The following SLC22A15 variants were observed in gnomAD, a reference collection of about 807,000 sequenced individuals.
The protein encoded by SLC22A15 is solute carrier family 22 member 15.
A neutral mutation model predicts 62.7 loss-of-function variants in SLC22A15; 45 were observed. That is an observed-to-expected ratio of 0.72 (90% CI 0.56 to 0.92). The LOEUF is 0.92. SLC22A15 is among the 40% of genes least tolerant of loss of function. SLC22A15 has a pLI of 0.00. For synonymous variants in SLC22A15, 264 were observed against 267.0 expected (o/e 0.99, Z 0.11); for missense variants, 622 against 665.6 (o/e 0.93, Z 0.72).
chr1:115,983,628 A>G (rs1288261262), intron 1 of SLC22A15, among the ~76,000 whole-genome samples: 1 of 152,202 alleles, frequency 6.6e-6, no homozygotes. Flanking sequence ...AAGGGAAGAT[A>G]TGATCTGGAG....
At chr1:115,986,651 G>C (rs940806852) in intron 1 of SLC22A15, among the ~76,000 whole-genome samples, 1 of 152,216 alleles carries the variant, frequency 6.6e-6, no homozygotes, top group African/African-American at 2.4e-5. Flanking sequence ...TTGCTACACA[G>C]AGTATGGTTG....
At chr1:116,011,972 A>G (rs1056136740) in intron 2 of SLC22A15, among the ~76,000 whole-genome samples, 2 of 152,218 alleles carry the variant, frequency 1.3e-5, no homozygotes, top group African/African-American at 4.8e-5. Flanking sequence ...ATGCAGAGTC[A>G]GTCACCTGCC....
intron 9 of SLC22A15, 134 bp from the exon 10 acceptor site, chr1:116,064,302 T>C: frequency 1.5e-6 from 1 of 659,984 alleles, no homozygotes; most frequent in Non-Finnish European, 2.7e-6. Context: ...AGTAGGCAGC[T>C]CTAGAACCCA....
intron 1 of SLC22A15, among the ~76,000 whole-genome samples, chr1:115,986,488 G>A (rs901796402): frequency 2.0e-5 from 3 of 152,092 alleles, no homozygotes; most frequent in African/African-American, 4.8e-5. Flanking sequence ...GAAGGGAGAC[G>A]GTGTGGTCTA....
rs539939677 is a variant in SLC22A15 at position 116,052,768 on chromosome 1, G to C, written c.1172-9994G>C. On this transcript the variant is annotated intron_variant, in intron 8 of 11. Transcript: ENST00000369503. Reference sequence around the variant, plus strand: ...GTTCACGAAAATCTACTGTTCTGCAGACACCACTGCTGATACCCAGGCAAA... The same window carrying C: ...GTTCACGAAAATCTACTGTTCTGCACACACCACTGCTGATACCCAGGCAAA... 1.3e-3 allele frequency among the ~76,000 whole-genome samples: 199 copies of C among 152,302 alleles called. 2 individuals carry two copies. Among genetic ancestry groups the C allele is most frequent in the African/African-American group, 4.6e-3 (193 of 41,550 alleles).
chr1:116,060,621 G>A (rs748740048), intron 8 of SLC22A15, among the ~76,000 whole-genome samples: 14 of 152,260 alleles, frequency 9.2e-5, no homozygotes, highest in African/African-American at 1.2e-4. Flanking sequence ...GCATATGTGC[G>A]TATTTCTGTT....
intron 8 of SLC22A15, among the ~76,000 whole-genome samples, chr1:116,038,555 C>G (rs1411013922): frequency 2.0e-5 from 3 of 152,206 alleles, no homozygotes; most frequent in African/African-American, 4.8e-5. Flanking sequence ...ATCATGGAAA[C>G]TAGAGAATTG....
At chr1:116,024,586 C>T (rs182889515) in intron 4 of SLC22A15, among the ~76,000 whole-genome samples, 9 of 152,228 alleles carry the variant, frequency 5.9e-5, no homozygotes, top group East Asian at 1.9e-4. Context: ...TTATATTCAT[C>T]TCTACGCCTT....
chr1:116,022,437 T>C (rs770252282), intron 4 of SLC22A15, among the ~76,000 whole-genome samples: 1 of 152,226 alleles, frequency 6.6e-6, no homozygotes, highest in African/African-American at 2.4e-5. Context: ...AGGTCCAAAA[T>C]TGTGCTCATG....
intron 7 of SLC22A15, 34 bp downstream of exon 7, chr1:116,035,361 T>C (rs1295871692): frequency 6.3e-7 from 1 of 1,581,848 alleles, no homozygotes; most frequent in Non-Finnish European, 8.6e-7. Flanking sequence ...AAGTGCACCG[T>C]AGAGAATGCA....
chr1:116,064,751 G>A (rs1054355762), intron 10 of SLC22A15, among the ~76,000 whole-genome samples: 10 of 152,066 alleles, frequency 6.6e-5, no homozygotes, highest in Non-Finnish European at 1.2e-4. Context: ...ATGCCAGTGT[G>A]CCCCATTCCT....
chr1:116,008,046 C>T (rs1031544144), intron 2 of SLC22A15, among the ~76,000 whole-genome samples: 7 of 152,140 alleles, frequency 4.6e-5, no homozygotes, highest in African/African-American at 7.2e-5. Context: ...CCCCTTGGCT[C>T]ACTGGCAGTG....
intron 4 of SLC22A15, among the ~76,000 whole-genome samples, chr1:116,025,411 T>C (rs17035127): frequency 0.051 from 7,759 of 152,314 alleles, 249 homozygotes; most frequent in East Asian, 0.13. Context: ...TTGGACCACA[T>C]ATTCTGAACA....
intron 1 of SLC22A15, among the ~76,000 whole-genome samples, chr1:115,983,912 C>T (rs1654732994): frequency 1.3e-5 from 2 of 152,178 alleles, no homozygotes; most frequent in Admixed American, 6.5e-5. Context: ...TTTCACCCCT[C>T]TCCCAAATCT....
chr1:115,986,888 CAGAG>C (rs1654893364), intron 1 of SLC22A15, among the ~76,000 whole-genome samples: 1 of 152,108 alleles, frequency 6.6e-6, no homozygotes, highest in South Asian at 2.1e-4. Context: ...GAAAACGAAA[CAGAG>C]AGGTTTGGAT....
chr1:116,000,529 A>G (rs890562466), intron 2 of SLC22A15, among the ~76,000 whole-genome samples: 2 of 151,738 alleles, frequency 1.3e-5, no homozygotes, highest in African/African-American at 4.8e-5. Context: ...TGCATAGTTT[A>G]TACACGACAA....
At chr1:116,008,773 C>T (rs1271070434) in intron 2 of SLC22A15, among the ~76,000 whole-genome samples, 2 of 152,172 alleles carry the variant, frequency 1.3e-5, no homozygotes, top group African/African-American at 2.4e-5. Context: ...GCTGGGTGAC[C>T]TCCTCAGTGC....
intron 1 of SLC22A15, among the ~76,000 whole-genome samples, chr1:115,977,219 G>T (rs182665236): frequency 6.6e-6 from 1 of 152,154 alleles, no homozygotes; most frequent in Non-Finnish European, 1.5e-5. Flanking sequence ...GCTTGAGGGG[G>T]CTTACTCTTC....
intron 2 of SLC22A15, chr1:116,017,380 A>AAG (rs1193866710): frequency 2.0e-5 from 3 of 151,914 alleles, no homozygotes; most frequent in Admixed American, 6.6e-5. Flanking sequence ...AAAAAAAAAA[A>AAG]AAAAGAAAAG....
Sources: gnomAD v4.1 joint callset for allele counts (sites outside exome capture counted in the v4.1 genomes callset) on GRCh38, gnomAD v4.1.1 for gene constraint, MANE v1.5 for transcripts, NCBI Gene and HGNC (gene_info 2026-07-23, HGNC 2026-07-21) for gene names.